Variants in PDE4D observed in about 807,000 individuals in gnomAD.
The protein encoded by PDE4D is 3',5'-cyclic-AMP phosphodiesterase 4D.
In PDE4D, 24 loss-of-function variants were observed where a neutral mutation model predicts 87.4. That is an observed-to-expected ratio of 0.27 (90% CI 0.20 to 0.39). The LOEUF is 0.39. Ranked by LOEUF, PDE4D falls within the 10% of genes least tolerant of loss-of-function variation. The pLI, the probability that PDE4D is intolerant of heterozygous loss-of-function variation, is 1.00. For missense variants in PDE4D, 714 were observed against 1,041.0 expected, an observed-to-expected ratio of 0.69 and a Z score of 4.32; for synonymous variants, 384 against 383.2, an observed-to-expected ratio of 1.00 and a Z score of -0.02.
chr5:60,154,238 G>A (rs1251813077), intron 2 of PDE4D, among the ~76,000 whole-genome samples: 2 of 151,964 alleles, frequency 1.3e-5, no homozygotes, highest in African/African-American at 4.8e-5. Flanking sequence ...TCAATACCAG[G>A]ATTTGGTAAG....
chr5:59,994,506 C>T (rs1313434823), intron 2 of PDE4D, among the ~76,000 whole-genome samples: 1 of 152,066 alleles, frequency 6.6e-6, no homozygotes, highest in Non-Finnish European at 1.5e-5. Flanking sequence ...GTGAGTGTTA[C>T]ATTACATGCT....
intron 1 of PDE4D, among the ~76,000 whole-genome samples, chr5:59,785,624 G>A (rs922678581): frequency 2.0e-5 from 3 of 152,196 alleles, no homozygotes; most frequent in African/African-American, 7.2e-5. Context: ...GGACAGACAG[G>A]TGGCTGTTTT....
intron 1 of PDE4D, among the ~76,000 whole-genome samples, chr5:60,188,878 C>A (rs1338710863): frequency 6.6e-6 from 1 of 152,142 alleles, no homozygotes; most frequent in Non-Finnish European, 1.5e-5. Context: ...TGCTTTGCTG[C>A]CAATAGCATG....
At chr5:60,430,108 A>C in intron 1 of PDE4D, 1 of 524,782 alleles carries the variant, frequency 1.9e-6, no homozygotes, top group South Asian at 1.4e-5. Flanking sequence ...TGGAGTTCCC[A>C]TCTCCTTCAG....
At chr5:60,183,510 A>G (rs754392121) in intron 2 of PDE4D, among the ~76,000 whole-genome samples, 7 of 152,176 alleles carry the variant, frequency 4.6e-5, no homozygotes, top group African/African-American at 1.7e-4. Flanking sequence ...CATGAGAGGA[A>G]CTCACTAAGT....
chr5:59,997,985 G>A (rs1280835574), intron 2 of PDE4D, among the ~76,000 whole-genome samples: 2 of 152,188 alleles, frequency 1.3e-5, no homozygotes, highest in African/African-American at 4.8e-5. Flanking sequence ...GGTTCCATGG[G>A]AGCTTTCCAC....
At chr5:59,621,360 G>A (rs1830332417) in intron 1 of PDE4D, among the ~76,000 whole-genome samples, 2 of 152,182 alleles carry the variant, frequency 1.3e-5, no homozygotes, top group African/African-American at 4.8e-5. Context: ...ACCTTCATCT[G>A]AGATGCATTG....
intron 1 of PDE4D, 56 bp downstream of exon 1, chr5:59,893,112 G>A (rs1487098073): frequency 1.7e-5 from 25 of 1,484,604 alleles, no homozygotes; most frequent in Non-Finnish European, 2.2e-5. Context: ...TGGAGTATTT[G>A]AGAAAAGGGG....
intron 1 of PDE4D, among the ~76,000 whole-genome samples, chr5:60,328,936 C>T (rs114741452): frequency 2.2e-3 from 340 of 152,294 alleles, no homozygotes; most frequent in African/African-American, 7.9e-3. Flanking sequence ...GGAGTCACAA[C>T]TAAGAGAATT....
chr5:60,473,447 G>C (rs1748011844), intron 1 of PDE4D, among the ~76,000 whole-genome samples: 1 of 152,120 alleles, frequency 6.6e-6, no homozygotes, highest in Non-Finnish European at 1.5e-5. Context: ...GTTTAGAAAA[G>C]TGCTCTTAAT....
chr5:59,692,688 C>T (rs1751165850), intron 1 of PDE4D, among the ~76,000 whole-genome samples: 1 of 152,120 alleles, frequency 6.6e-6, no homozygotes, highest in African/African-American at 2.4e-5. Flanking sequence ...TTAGATACAG[C>T]TCAAGCCCTA....
intron 1 of PDE4D, among the ~76,000 whole-genome samples, chr5:59,428,703 C>A (rs921067630): frequency 6.6e-6 from 1 of 152,064 alleles, no homozygotes; most frequent in Admixed American, 6.6e-5. Context: ...AAAAGACAAC[C>A]TCTATGATTT....
At chr5:59,444,534 C>A (rs1222118593) in intron 1 of PDE4D, among the ~76,000 whole-genome samples, 2 of 152,144 alleles carry the variant, frequency 1.3e-5, no homozygotes, top group African/African-American at 4.8e-5. Context: ...AGTTCCCAGT[C>A]GGGCGCGGTG....
At chr5:60,444,384 G>GC (rs745424295) in intron 1 of PDE4D, among the ~76,000 whole-genome samples, 37 of 152,272 alleles carry the variant, frequency 2.4e-4, no homozygotes, top group Non-Finnish European at 4.9e-4. Flanking sequence ...GAGTGCCTAT[G>GC]CTATGCCAGG....
chr5:59,725,751 T>G (rs557757202), intron 1 of PDE4D, among the ~76,000 whole-genome samples: 40 of 152,268 alleles, frequency 2.6e-4, no homozygotes, highest in Non-Finnish European at 5.0e-4. Flanking sequence ...TGGGATCTCT[T>G]GGACTTAGGA....
At chr5:59,471,733 T>C (rs1172914276) in intron 1 of PDE4D, among the ~76,000 whole-genome samples, 1 of 152,214 alleles carries the variant, frequency 6.6e-6, no homozygotes, top group Non-Finnish European at 1.5e-5. Context: ...GAATATAAAG[T>C]GTCAAGCAGT....
intron 3 of PDE4D, among the ~76,000 whole-genome samples, chr5:59,923,592 C>T (rs979072627): frequency 1.3e-5 from 2 of 152,200 alleles, no homozygotes; most frequent in African/African-American, 4.8e-5. Flanking sequence ...GAGAATTCTT[C>T]TGGATCTTAT....
chr5:59,884,741 CTTCCTGAT>C (rs1287761619), intron 1 of PDE4D, among the ~76,000 whole-genome samples: 5 of 151,918 alleles, frequency 3.3e-5, no homozygotes, highest in Admixed American at 2.0e-4. Flanking sequence ...CTGATTTATA[CTTCCTGAT>C]TTCCTGATAT....
chr5:59,272,934 A>G (rs1764096528), intron 1 of PDE4D, among the ~76,000 whole-genome samples: 1 of 152,174 alleles, frequency 6.6e-6, no homozygotes, highest in African/African-American at 2.4e-5. Flanking sequence ...ATTCTTGCAC[A>G]ATACAACAAA....
Sources: allele counts gnomAD v4.1 joint callset (sites outside exome capture counted in the v4.1 genomes callset), GRCh38; gene constraint gnomAD v4.1.1; transcripts MANE v1.5; gene names NCBI Gene and HGNC (gene_info 2026-07-23, HGNC 2026-07-21).